Variants in UGT1A10 observed in about 807,000 individuals in gnomAD.
The protein encoded by UGT1A10 is UDP glucuronosyltransferase family 1 member A10.
UGT1A10 carries 49 observed loss-of-function variants against 45.8 expected under a neutral mutation model. That is an observed-to-expected ratio of 1.07 (90% CI 0.85 to 1.36). The LOEUF (loss-of-function observed/expected upper bound fraction) is 1.36. Ranked by LOEUF, UGT1A10 falls within the 40% of genes most tolerant of loss-of-function variation. The pLI is 0.00. For synonymous variants in UGT1A10, 284 were observed against 249.7 expected (o/e 1.14, Z -1.29); for missense variants, 745 against 668.6 (o/e 1.11, Z -1.26).
chr2:233,681,973 A>T (rs768736320), intron 1 of UGT1A10: 1 of 1,614,064 alleles, frequency 6.2e-7, no homozygotes, highest in South Asian at 1.1e-5. Context: ...TCCTTCCCCT[A>T]TATGTGTGTC....
At chr2:233,682,886 C>T (rs2074605212) in intron 1 of UGT1A10, 4 of 1,509,966 alleles carry the variant, frequency 2.6e-6, no homozygotes, top group Non-Finnish European at 2.6e-6. Flanking sequence ...TACATTTGTC[C>T]CATTTGGAAT....
intron 1 of UGT1A10, chr2:233,713,127 G>A: frequency 6.2e-7 from 1 of 1,614,246 alleles, no homozygotes; most frequent in Non-Finnish European, 8.5e-7. Flanking sequence ...CAGCATGCGG[G>A]AGGCCTTGCG....
chr2:233,760,198 T>A (rs907119126), intron 1 of UGT1A10: 1 of 1,579,636 alleles, frequency 6.3e-7, no homozygotes, highest in South Asian at 1.1e-5. Context: ...CGTGACACAG[T>A]CAAACATTAA....
chr2:233,669,119 TG>T (rs1424072535), intron 1 of UGT1A10, among the ~76,000 whole-genome samples: 1 of 152,248 alleles, frequency 6.6e-6, no homozygotes, highest in Non-Finnish European at 1.5e-5. Flanking sequence ...CAGAATTGCC[TG>T]TGCACCTTTG....
intron 1 of UGT1A10, among the ~76,000 whole-genome samples, chr2:233,676,224 C>A (rs1366951476): frequency 6.6e-6 from 1 of 152,180 alleles, no homozygotes; most frequent in Non-Finnish European, 1.5e-5. Flanking sequence ...CCGATGGATT[C>A]ATCAGAAGCA....
rs377261801 is a variant in UGT1A10, at chr2:233,719,531, G to C, written c.856-47503G>C. On this transcript the variant is annotated intron_variant, in intron 1 of 4. Transcript: ENST00000344644. ...CCCCTTATGCAAGTCTTGCCTCTGAGCTTTTTCAGAGAGAGGTGTCAGTGG... is the reference window on the plus strand; with the variant it reads ...CCCCTTATGCAAGTCTTGCCTCTGACCTTTTTCAGAGAGAGGTGTCAGTGG... 3.1e-5 allele frequency: 50 copies of C among 1,613,928 alleles called. No homozygotes were observed. In the African/African-American group the frequency reaches 6.5e-4, roughly 21 times the overall value.
In UGT1A10 at chr2:233,661,803, T is replaced by G. The variant is rs551761528; in HGVS notation, c.855+24426T>G. Reference sequence around the variant, plus strand: ...AACTTTTCTTGTAATATCATGAATTTCTCTGCTTCATGGGAGCACTTGAGG... The same window carrying G: ...AACTTTTCTTGTAATATCATGAATTGCTCTGCTTCATGGGAGCACTTGAGG... On this transcript the variant is annotated intron_variant, in intron 1 of 4. Coordinates refer to ENST00000344644, the MANE Select transcript of UGT1A10 (RefSeq NM_019075.4). Among the ~76,000 whole-genome samples the G allele has an allele frequency of 4.6e-5, 7 of 151,994 alleles. No homozygotes were observed. The East Asian group carries it at 1.4e-3, about 29-fold the overall frequency.
intron 1 of UGT1A10, among the ~76,000 whole-genome samples, chr2:233,751,671 A>T (rs1207862608): frequency 6.6e-6 from 1 of 152,074 alleles, no homozygotes; most frequent in Admixed American, 6.6e-5. Context: ...GTGAGTTCTA[A>T]TGAGAGCTGA....
chr2:233,745,155 C>G (rs1330223752), intron 1 of UGT1A10, among the ~76,000 whole-genome samples: 5 of 151,764 alleles, frequency 3.3e-5, no homozygotes, highest in Admixed American at 6.6e-5. Flanking sequence ...TATGGAGGGT[C>G]AAATGTGCAT....
At chr2:233,695,130 C>CTTTCTTTCT (rs1364557158) in intron 1 of UGT1A10, among the ~76,000 whole-genome samples, 43 of 138,840 alleles carry the variant, frequency 3.1e-4, no homozygotes, top group South Asian at 9.1e-4. Flanking sequence ...CTTTTCTTTT[C>CTTTCTTTCT]TTTTTTTTTT....
intron 1 of UGT1A10, among the ~76,000 whole-genome samples, chr2:233,668,805 C>G (rs545035875): frequency 5.5e-4 from 84 of 152,300 alleles, no homozygotes; most frequent in Admixed American, 3.8e-3. Context: ...TAATTTTTAC[C>G]TAATGTCCTT....
chr2:233,711,824 G>A (rs1206489397), intron 1 of UGT1A10, among the ~76,000 whole-genome samples: 1 of 152,226 alleles, frequency 6.6e-6, no homozygotes, highest in African/African-American at 2.4e-5. Flanking sequence ...GGGCGACCAG[G>A]ACAAGGAGGC....
chr2:233,710,257 T>G (rs1404834948), intron 1 of UGT1A10, among the ~76,000 whole-genome samples: 1 of 152,232 alleles, frequency 6.6e-6, no homozygotes, highest in Admixed American at 6.5e-5. Context: ...TTTCTGAGAT[T>G]TCATTTTTCT....
rs28900403 is a variant in UGT1A10 at position 233,768,158 on chromosome 2, A to G, written c.1076-62A>G. 1.0e-3 allele frequency: 1,655 copies of G among 1,613,190 alleles called. 19 individuals are homozygous for G. The African/African-American group carries it at 0.019, about 19-fold the overall frequency. On this transcript the variant is annotated intron_variant, in intron 3 of 4. Transcript: ENST00000344644. ...TCTTTGGAGTGTTTTCAGAACCTAG[A>G]TGTGTCCAGCTGTGAAACTCAGAGA...
intron 1 of UGT1A10, among the ~76,000 whole-genome samples, chr2:233,736,953 C>G (rs1030380285): frequency 2.0e-5 from 3 of 152,174 alleles, no homozygotes; most frequent in Admixed American, 1.3e-4. Flanking sequence ...TGTCTGTTGG[C>G]CCCTACTGGG....
At chr2:233,702,369 G>A (rs116955810) in intron 1 of UGT1A10, among the ~76,000 whole-genome samples, 2,669 of 151,968 alleles carry the variant, frequency 0.018, 42 homozygotes, top group East Asian at 0.042. Context: ...AGTGGATTTC[G>A]TAGGATTTTC....
chr2:233,640,515 A>C (rs961283646), intron 1 of UGT1A10, among the ~76,000 whole-genome samples: 1 of 152,218 alleles, frequency 6.6e-6, no homozygotes, highest in Non-Finnish European at 1.5e-5. Flanking sequence ...CAATTGCCTC[A>C]TACAACATCT....
intron 1 of UGT1A10, among the ~76,000 whole-genome samples, chr2:233,763,434 A>G (rs1698313182): frequency 1.3e-5 from 2 of 152,346 alleles, no homozygotes; most frequent in Middle Eastern, 3.4e-3. Context: ...AGTTGCTTTA[A>G]TAAGTGCATT....
chr2:233,755,835 G>A (rs1438571974), intron 1 of UGT1A10: 4 of 152,284 alleles, frequency 2.6e-5, no homozygotes, highest in Non-Finnish European at 5.9e-5. Context: ...TATTCATTGG[G>A]CAATTTAAGA....
Sources: gnomAD v4.1 joint callset for allele counts (sites outside exome capture counted in the v4.1 genomes callset) on GRCh38, gnomAD v4.1.1 for gene constraint, MANE v1.5 for transcripts, NCBI Gene and HGNC (gene_info 2026-07-23, HGNC 2026-07-21) for gene names.